ZFHX3: variants seen among roughly 807,000 people sequenced by gnomAD.
ZFHX3 encodes the protein zinc finger homeobox 3, also known as zinc finger homeobox protein 3.
A neutral mutation model predicts 279.1 loss-of-function variants in ZFHX3; 42 were observed. The observed-to-expected ratio is 0.15, with a 90% CI of 0.12 to 0.19. ZFHX3 has a LOEUF of 0.19. Among genes scored for constraint, ZFHX3 ranks in the 10% least tolerant of loss-of-function variants. The pLI, the probability that ZFHX3 is intolerant of heterozygous loss-of-function variation, is 1.00. For synonymous variants in ZFHX3, 2,293 were observed against 1,957.8 expected (o/e 1.17, Z -4.52); for missense variants, 4,981 against 4,754.0 (o/e 1.05, Z -1.40).
chr16:73,479,174 T>C (rs1190940170), intron 2 of ZFHX3, among the ~76,000 whole-genome samples: 1 of 152,170 alleles, frequency 6.6e-6, no homozygotes, highest in African/African-American at 2.4e-5. Context: ...AGCTTGAAGA[T>C]GGAAGCCACC....
At chr16:73,560,812 A>G (rs1273074966) in intron 2 of ZFHX3, among the ~76,000 whole-genome samples, 5 of 152,222 alleles carry the variant, frequency 3.3e-5, no homozygotes, top group African/African-American at 1.2e-4. Context: ...AGTCGCTGCT[A>G]CTTAATAGCA....
intron 1 of ZFHX3, among the ~76,000 whole-genome samples, chr16:73,879,168 G>T (rs1317324006): frequency 1.3e-5 from 2 of 150,802 alleles, no homozygotes; most frequent in Non-Finnish European, 2.9e-5. Context: ...TCTCTAGCTT[G>T]TGATTTTTCG....
At chr16:72,801,723 T>C (rs1189661614) in intron 7 of ZFHX3, among the ~76,000 whole-genome samples, 2 of 152,218 alleles carry the variant, frequency 1.3e-5, no homozygotes, top group Admixed American at 6.5e-5. Flanking sequence ...TGGTTAAGGC[T>C]AGCTGTTGAT....
At chr16:73,635,807 C>T (rs2052522444) in intron 2 of ZFHX3, among the ~76,000 whole-genome samples, 1 of 152,222 alleles carries the variant, frequency 6.6e-6, no homozygotes. Context: ...CTTTGACTTT[C>T]CCACTGAAGC....
intron 4 of ZFHX3, among the ~76,000 whole-genome samples, chr16:73,268,577 T>A (rs949548375): frequency 6.6e-6 from 1 of 152,218 alleles, no homozygotes; most frequent in Non-Finnish European, 1.5e-5. Flanking sequence ...TTTCATCCAA[T>A]AGCAATTAGC....
At chr16:73,601,244 A>G (rs1312429473) in intron 2 of ZFHX3, among the ~76,000 whole-genome samples, 3 of 150,570 alleles carry the variant, frequency 2.0e-5, no homozygotes, top group Non-Finnish European at 4.4e-5. Context: ...CAAGGCCAGG[A>G]GATTGAAACC....
intron 3 of ZFHX3, among the ~76,000 whole-genome samples, chr16:73,454,922 C>A (rs2018346321): frequency 6.7e-6 from 1 of 150,060 alleles, no homozygotes; most frequent in Non-Finnish European, 1.5e-5. Flanking sequence ...AAAAAAACTA[C>A]AATAGAAAAC....
chr16:73,858,455 A>T (rs779603724), intron 1 of ZFHX3, among the ~76,000 whole-genome samples: 1 of 152,144 alleles, frequency 6.6e-6, no homozygotes, highest in Non-Finnish European at 1.5e-5. Flanking sequence ...CTGAAACTAC[A>T]TTTGCCATTT....
At chr16:72,865,396 T>C (rs1037838700) in intron 4 of ZFHX3, among the ~76,000 whole-genome samples, 1 of 152,202 alleles carries the variant, frequency 6.6e-6, no homozygotes. Context: ...CTGAGTGCCA[T>C]GGATCTGTCT....
intron 1 of ZFHX3, among the ~76,000 whole-genome samples, chr16:72,974,292 C>G (rs1194997568): frequency 6.6e-6 from 1 of 152,194 alleles, no homozygotes; most frequent in African/African-American, 2.4e-5. Flanking sequence ...CGTTGCTGGA[C>G]AGAGGTACGT....
Position 72,950,437 on chromosome 16 carries a change from G to C in ZFHX3, c.3216+32C>G, listed in dbSNP as rs779842680. 3.1e-6 allele frequency: 5 copies of C among 1,598,018 alleles called. No homozygotes were observed. The Admixed American group carries it at 5.0e-5, about 16-fold the overall frequency. ...GTGCGCAACCCCCTCCTTTCAGAAA[G>C]AGCGCCTGAGCCATAAGGAGCTGGG... On this transcript the variant is annotated intron_variant, in intron 3 of 9. Transcript: ENST00000268489.
intron 4 of ZFHX3, among the ~76,000 whole-genome samples, chr16:73,287,839 G>A: frequency 6.7e-6 from 1 of 148,876 alleles, no homozygotes; most frequent in African/African-American, 2.5e-5. Context: ...TGTGTGGGTT[G>A]GTGAGTGGCT....
At chr16:73,289,921 CT>C (rs1717102445) in intron 4 of ZFHX3, among the ~76,000 whole-genome samples, 1 of 152,082 alleles carries the variant, frequency 6.6e-6, no homozygotes, top group South Asian at 2.1e-4. Context: ...GGGATGCCCC[CT>C]TCAGGGGTGC....
intron 1 of ZFHX3, among the ~76,000 whole-genome samples, chr16:73,865,297 G>A (rs1338196174): frequency 6.6e-6 from 1 of 152,208 alleles, no homozygotes; most frequent in Non-Finnish European, 1.5e-5. Flanking sequence ...TTAAAAAAAT[G>A]AAAGGCCTGG....
chr16:73,686,963 T>C (rs1390761421), intron 1 of ZFHX3, among the ~76,000 whole-genome samples: 2 of 137,708 alleles, frequency 1.5e-5, no homozygotes, highest in Non-Finnish European at 3.1e-5. Flanking sequence ...GCTTAACCGG[T>C]AGCACCACCA....
At chr16:73,470,716 C>T (rs991819527) in intron 2 of ZFHX3, among the ~76,000 whole-genome samples, 1 of 152,096 alleles carries the variant, frequency 6.6e-6, no homozygotes, top group African/African-American at 2.4e-5. Context: ...ACATTTTCAG[C>T]GTGGCACACA....
chr16:73,655,063 G>A lies in ZFHX3; in HGVS notation c.-1547+25117C>T, dbSNP rs1314645328. Among the ~76,000 whole-genome samples, 3 of 152,052 alleles carry A rather than the reference G, an allele frequency of 2.0e-5. No homozygotes were observed. In the East Asian group the frequency reaches 5.8e-4, roughly 29 times the overall value. On this transcript the variant is annotated intron_variant, in intron 2 of 17. Transcript: ENST00000641206. The stretch of plus-strand genomic sequence containing the variant: ...TTTAGTAGAGACGGGGTTTTGCCAT[G>A]TTGGCCAGGCTGGTCTCAAATTCCT...
chr16:73,061,257 T>A (rs1430211029), upstream of ZFHX3: 1 of 152,136 alleles, frequency 6.6e-6, no homozygotes, highest in Non-Finnish European at 1.5e-5. Context: ...CTTTTTTTTG[T>A]CCCCTGCACA....
chr16:73,438,260 T>C (rs1391267085), intron 3 of ZFHX3, among the ~76,000 whole-genome samples: 2 of 152,202 alleles, frequency 1.3e-5, no homozygotes, highest in Admixed American at 6.5e-5. Context: ...GATGACATTA[T>C]CACAAAGTCA....
Sources: allele counts gnomAD v4.1 joint callset (sites outside exome capture counted in the v4.1 genomes callset), GRCh38; gene constraint gnomAD v4.1.1; transcripts MANE v1.5; gene names NCBI Gene and HGNC (gene_info 2026-07-23, HGNC 2026-07-21).